SAMD5: variants seen among roughly 807,000 people sequenced by gnomAD.
SAMD5 encodes the protein sterile alpha motif domain containing 5, also known as sterile alpha motif domain-containing protein 5.
SAMD5 carries 13 observed loss-of-function variants against 11.3 expected under a neutral mutation model. That is an observed-to-expected ratio of 1.15 (90% confidence interval 0.75 to 1.83). SAMD5 has a LOEUF of 1.83. Among genes scored for constraint, SAMD5 ranks in the 40% most tolerant of loss-of-function variants. The pLI, the probability that SAMD5 is intolerant of heterozygous loss-of-function variation, is 0.00. For missense variants in SAMD5, 255 were observed against 239.1 expected (o/e 1.07, Z -0.44); for synonymous variants, 129 against 111.3 (o/e 1.16, Z -1.00).
the SAMD5 span, among the ~76,000 whole-genome samples, chr6:147,920,773 A>G: frequency 2.6e-4 from 40 of 152,320 alleles, no homozygotes; most frequent in African/African-American, 8.4e-4. Context: ...TGTTCAGGCA[A>G]TGGTGTTCAG....
At chr6:147,604,529 C>T (rs1272667800) in intron 1 of SAMD5, among the ~76,000 whole-genome samples, 5 of 152,190 alleles carry the variant, frequency 3.3e-5, no homozygotes, top group Non-Finnish European at 4.4e-5. Context: ...TTTTGAAACA[C>T]GTGAGCCCAT....
chr6:147,629,933 C>T (rs973810529), intron 1 of SAMD5, among the ~76,000 whole-genome samples: 12 of 149,772 alleles, frequency 8.0e-5, no homozygotes. Flanking sequence ...AGTCACGACC[C>T]ATAGGTTTTC....
chr6:147,780,291 T>A, the SAMD5 span, among the ~76,000 whole-genome samples: 1 of 152,070 alleles, frequency 6.6e-6, no homozygotes, highest in East Asian at 1.9e-4. Flanking sequence ...CGCTGCAATG[T>A]CTGCCTCCTG....
chr6:147,713,828 C>A (rs1383287821), intron 1 of SAMD5, among the ~76,000 whole-genome samples: 1 of 152,100 alleles, frequency 6.6e-6, no homozygotes, highest in African/African-American at 2.4e-5. Context: ...CCTCTTCTCT[C>A]CTCCCTTACT....
chr6:147,866,676 C>G, the SAMD5 span, among the ~76,000 whole-genome samples: 1 of 152,180 alleles, frequency 6.6e-6, no homozygotes. Flanking sequence ...CTTTTACCCA[C>G]TCAATTTCAC....
the SAMD5 span, among the ~76,000 whole-genome samples, chr6:147,871,893 TA>T: frequency 6.6e-6 from 1 of 152,202 alleles, no homozygotes; most frequent in Non-Finnish European, 1.5e-5. Flanking sequence ...TATAGCGAAT[TA>T]AATCTGTAAC....
intron 1 of SAMD5, among the ~76,000 whole-genome samples, chr6:147,736,248 A>G (rs1791804348): frequency 6.6e-6 from 1 of 152,198 alleles, no homozygotes. Flanking sequence ...AATGTAAGGT[A>G]CAAAGAACGA....
the SAMD5 span, among the ~76,000 whole-genome samples, chr6:147,907,431 A>G: frequency 7.4e-6 from 1 of 134,828 alleles, no homozygotes; most frequent in South Asian, 2.3e-4. Context: ...TACAAAAGCA[A>G]TTGCAGTTTT....
intron 1 of SAMD5, among the ~76,000 whole-genome samples, chr6:147,512,051 T>G (rs551207655): frequency 6.6e-6 from 1 of 152,024 alleles, no homozygotes; most frequent in African/African-American, 2.4e-5. Context: ...GCCTCCTGGG[T>G]TCAAGCAATT....
Position 147,509,044 on chromosome 6 carries a change from C to A in SAMD5, c.116C>A (p.Pro39Gln). The A allele has an allele frequency of 6.2e-7, 1 of 1,606,244 alleles. No individual in the cohort carries two copies. Among genetic ancestry groups the A allele is most frequent in the Non-Finnish European group, 8.5e-7 (1 of 1,177,110 alleles). ...GAGGTGTGCAAGCAGATCGGGGACC[C>A]GGACCTGGATGCCATCGGGGTGCTG... ...DLEVCKQIGD[P>Q]DLDAIGVLAP... The change falls in exon 1 of 2, where the codon CCG becomes CAG. Residue 39 changes from proline (P) to glutamine (Q), a missense_variant. Pro to Gln is a moderately conservative substitution (Grantham distance 76). Coordinates refer to ENST00000367474, the MANE Select transcript of SAMD5 (RefSeq NM_001030060.3).
At chr6:147,771,003 C>A in the SAMD5 span, among the ~76,000 whole-genome samples, 1 of 152,178 alleles carries the variant, frequency 6.6e-6, no homozygotes, top group East Asian at 1.9e-4. Context: ...GAAGAATGTC[C>A]TTTCTAAAAT....
chr6:147,711,651 G>C lies in SAMD5; in HGVS notation c.163-25666G>C, dbSNP rs1225698724. Among the ~76,000 whole-genome samples, 1 of 152,200 alleles carries C rather than the reference G, an allele frequency of 6.6e-6. No homozygotes were observed. The highest frequency in any genetic ancestry group is 2.4e-5 in the African/African-American group (1 of 41,460). On this transcript the variant is annotated intron_variant, in intron 1 of 1. Transcript: ENST00000566741. This position sits in a 1 kb window ranked among gnomAD's most constrained non-coding sequence, Gnocchi z 4.1. Reference sequence around the variant, plus strand: ...CAAATTAAATTTCTTGGAAAATAGTGGTTTGCATTCTTCAAAGGGGTCATT... The same window carrying C: ...CAAATTAAATTTCTTGGAAAATAGTCGTTTGCATTCTTCAAAGGGGTCATT...
In SAMD5 at chr6:147,540,945, T is replaced by G. The variant is rs949768370; in HGVS notation, c.460-23449T>G. On this transcript the variant is annotated intron_variant, in intron 1 of 1. Transcript: ENST00000367474. ...GTTCAAGCCACGCGTTTTTTTTTTT[T>G]TTTTTTTTTTTTTTTGAGAAGGAGT... Among the ~76,000 whole-genome samples, 235 of 139,596 alleles carry G rather than the reference T, an allele frequency of 1.7e-3. 1 individual carries two copies. Among genetic ancestry groups the G allele is most frequent in the African/African-American group, 5.8e-3 (216 of 37,110 alleles). 91.6% of individuals were successfully genotyped at this position (139,596 alleles called of 152,430 possible).
chr6:147,752,743 C>G, the SAMD5 span, among the ~76,000 whole-genome samples: 1 of 152,080 alleles, frequency 6.6e-6, no homozygotes, highest in African/African-American at 2.4e-5. Context: ...TCTCATGGCA[C>G]ACTTATGGAA....
chr6:147,725,875 T>C (rs1245360926), intron 1 of SAMD5, among the ~76,000 whole-genome samples: 1 of 152,160 alleles, frequency 6.6e-6, no homozygotes, highest in Non-Finnish European at 1.5e-5. Context: ...CTGAGATTAC[T>C]ATTTTTTAAA....
intron 1 of SAMD5, among the ~76,000 whole-genome samples, chr6:147,607,557 G>A (rs767800035): frequency 2.6e-5 from 4 of 151,986 alleles, no homozygotes; most frequent in Non-Finnish European, 4.4e-5. Flanking sequence ...TTTGATAAAG[G>A]TGCCAAGGAT....
chr6:147,625,535 A>G lies in SAMD5; in HGVS notation c.163-111782A>G, dbSNP rs537197943. 1.6e-4 allele frequency among the ~76,000 whole-genome samples: 25 copies of G among 152,324 alleles called. No individual in the cohort carries two copies. In the South Asian group the frequency reaches 3.5e-3, roughly 21 times the overall value. On this transcript the variant is annotated intron_variant, in intron 1 of 1. Coordinates refer to the SAMD5 transcript ENST00000566741. ...GGAGTTGCAATTCTTTTGAGAAAAT[A>G]AAAGTATAGATATAAGGATATATTA...
chr6:147,590,380 G>C (rs1020973430), intron 1 of SAMD5, among the ~76,000 whole-genome samples: 1 of 152,124 alleles, frequency 6.6e-6, no homozygotes. Context: ...ATAGCATAGT[G>C]TTTAGCTCAT....
At chr6:147,570,855 G>C (rs1310633375), downstream of SAMD5, among the ~76,000 whole-genome samples, 1 of 152,172 alleles carries the variant, frequency 6.6e-6, no homozygotes. Context: ...TGCCAGGAGT[G>C]AGTTTGTGGC....
Sources: gnomAD v4.1 joint callset for allele counts (sites outside exome capture counted in the v4.1 genomes callset) on GRCh38, gnomAD v4.1.1 for gene constraint, Gnocchi (gnomAD v3.1) non-coding constraint, MANE v1.5 for transcripts, NCBI Gene and HGNC (gene_info 2026-07-23, HGNC 2026-07-21) for gene names.